Variants in ABL2 observed in about 807,000 individuals in gnomAD.
ABL2 encodes the protein ABL proto-oncogene 2, non-receptor tyrosine kinase.
ABL2 carries 49 observed loss-of-function variants against 107.7 expected under a neutral mutation model. The observed-to-expected ratio is 0.45, with a 90% confidence interval of 0.36 to 0.58. ABL2 has a LOEUF of 0.58. Ranked by LOEUF, ABL2 falls within the 20% of genes least tolerant of loss-of-function variation. The pLI, the probability that ABL2 is intolerant of heterozygous loss-of-function variation, is 0.00. For missense variants in ABL2, 1,245 were observed against 1,457.0 expected, an observed-to-expected ratio of 0.85 and a Z score of 2.37; for synonymous variants, 549 against 548.6, an observed-to-expected ratio of 1.00 and a Z score of -0.01.
At chr1:179,127,759 TG>T (rs1174186413) in intron 3 of ABL2, among the ~76,000 whole-genome samples, 2 of 151,922 alleles carry the variant, frequency 1.3e-5, no homozygotes, top group East Asian at 3.9e-4. Context: ...TGGCTGAGCG[TG>T]GTGTCTCATG....
intron 1 of ABL2, among the ~76,000 whole-genome samples, chr1:179,151,626 A>C (rs1263549183): frequency 3.3e-5 from 5 of 152,226 alleles, no homozygotes; most frequent in Admixed American, 3.3e-4. Flanking sequence ...TGCCACAAAA[A>C]GTAAAAGCTG....
intron 1 of ABL2, among the ~76,000 whole-genome samples, chr1:179,135,335 T>C (rs2102681103): frequency 6.7e-6 from 1 of 150,196 alleles, no homozygotes; most frequent in Middle Eastern, 3.5e-3. Context: ...GGAGCGTCTC[T>C]GCCCGGCCGC....
At chr1:179,152,604 T>C (rs768329496) in intron 1 of ABL2, among the ~76,000 whole-genome samples, 10 of 152,164 alleles carry the variant, frequency 6.6e-5, no homozygotes, top group Non-Finnish European at 1.3e-4. Context: ...AGGTGAAATA[T>C]ATGTGGGCCA....
At chr1:179,157,090 G>C (rs1658744265) in intron 1 of ABL2, among the ~76,000 whole-genome samples, 1 of 152,070 alleles carries the variant, frequency 6.6e-6, no homozygotes, top group Non-Finnish European at 1.5e-5. Flanking sequence ...ACCAATACAG[G>C]TTGAGTATTC....
chr1:179,142,440 A>C (rs1446387431), intron 1 of ABL2, among the ~76,000 whole-genome samples: 1 of 152,240 alleles, frequency 6.6e-6, no homozygotes, highest in Non-Finnish European at 1.5e-5. Context: ...TAATTTTATT[A>C]AAAATACTTT....
chr1:179,229,169 CGCCACCCACCCCGCCCCGA>C, intron 1 of ABL2, 53 bp downstream of exon 1: 13 of 367,858 alleles, frequency 3.5e-5, no homozygotes, highest in Non-Finnish European at 6.3e-5. Flanking sequence ...GCAGCCCGTC[CGCCACCCACCCCGCCCCGA>C]CCCCACCCCC....
chr1:179,200,454 G>A (rs1661602073), intron 1 of ABL2, among the ~76,000 whole-genome samples: 1 of 152,110 alleles, frequency 6.6e-6, no homozygotes, highest in South Asian at 2.1e-4. Flanking sequence ...AGACAGCAAG[G>A]TACAGTTTCA....
Position 179,108,237 on chromosome 1 carries a change from A to T in ABL2, c.3030T>A (p.Thr1010=). 1 of 1,613,436 alleles carries T rather than the reference A, an allele frequency of 6.2e-7. No individual in the cohort carries two copies. Among genetic ancestry groups the T allele is most frequent in the Non-Finnish European group, 8.5e-7 (1 of 1,179,944 alleles). The part of the protein sequence containing the change: ...SDPTEEPTAL[T]AGQSTSETQE... Reference sequence around the variant, plus strand: ...GTGTTTCTGATGTGGACTGTCCTGCAGTTAGGGCAGTTGGCTCTTCTGTAG... The same window carrying T: ...GTGTTTCTGATGTGGACTGTCCTGCTGTTAGGGCAGTTGGCTCTTCTGTAG... Residue 1010 remains threonine (T), a synonymous_variant, in exon 12 of 12, where the codon ACT becomes ACA. Transcript: ENST00000502732.
intron 1 of ABL2, among the ~76,000 whole-genome samples, chr1:179,183,549 A>G (rs968032964): frequency 2.0e-5 from 3 of 152,174 alleles, no homozygotes. Context: ...CAATCTAACA[A>G]AAAAAGATAA....
intron 1 of ABL2, among the ~76,000 whole-genome samples, chr1:179,160,668 T>TTATATTCTTAATTCTTAATAATTC (rs1659007320): frequency 6.6e-6 from 1 of 152,148 alleles, no homozygotes; most frequent in Non-Finnish European, 1.5e-5. Context: ...AATATCTTAG[T>TTATATTCTTAATTCTTAATAATTC]TATATTCTTA....
intron 1 of ABL2, among the ~76,000 whole-genome samples, chr1:179,157,892 T>G (rs10913702): frequency 0.02 from 3,106 of 152,132 alleles, 132 homozygotes; most frequent in African/African-American, 0.071. Context: ...TCTTTAAGCA[T>G]AGGAGCTAGT....
At chr1:179,137,425 T>C (rs963508458) in intron 1 of ABL2, among the ~76,000 whole-genome samples, 3 of 152,138 alleles carry the variant, frequency 2.0e-5, no homozygotes, top group African/African-American at 4.8e-5. Flanking sequence ...TCCACACTTA[T>C]AAATATATAT....
At chr1:179,221,975 T>C in intron 1 of ABL2, 3 of 227,560 alleles carry the variant, frequency 1.3e-5, no homozygotes, top group Non-Finnish European at 2.0e-5. Context: ...AAGTGGACAT[T>C]CATATTCCAG....
At chr1:179,189,574 C>T (rs1660880808) in intron 1 of ABL2, among the ~76,000 whole-genome samples, 1 of 152,160 alleles carries the variant, frequency 6.6e-6, no homozygotes, top group Non-Finnish European at 1.5e-5. Context: ...TCGTTATGTA[C>T]ATTCATTTAT....
At chr1:179,161,253 C>A (rs1174499384) in intron 1 of ABL2, among the ~76,000 whole-genome samples, 1 of 151,796 alleles carries the variant, frequency 6.6e-6, no homozygotes, top group African/African-American at 2.4e-5. Flanking sequence ...CACAATAGTG[C>A]CCATCTGTAA....
chr1:179,181,911 G>A (rs1437729239), intron 1 of ABL2, among the ~76,000 whole-genome samples: 1 of 149,536 alleles, frequency 6.7e-6, no homozygotes, highest in Non-Finnish European at 1.5e-5. Flanking sequence ...CTCCTGAGTA[G>A]CCGGGACTAT....
At chr1:179,137,770 A>T (rs1368281545) in intron 1 of ABL2, 2 of 152,222 alleles carry the variant, frequency 1.3e-5, no homozygotes, top group African/African-American at 2.4e-5. Context: ...TGCAATATTG[A>T]GCAGCTTCCT....
intron 1 of ABL2, among the ~76,000 whole-genome samples, chr1:179,202,682 G>A (rs1661740023): frequency 6.6e-6 from 1 of 152,160 alleles, no homozygotes. Flanking sequence ...AATCACTTCT[G>A]TTAACATATG....
intron 1 of ABL2, among the ~76,000 whole-genome samples, chr1:179,169,899 T>C (rs1659619202): frequency 6.6e-6 from 1 of 151,432 alleles, no homozygotes; most frequent in South Asian, 2.1e-4. Context: ...CAGAGTTACA[T>C]GTGCCTATAG....
Sources: gnomAD v4.1 joint callset for allele counts (sites outside exome capture counted in the v4.1 genomes callset) on GRCh38, gnomAD v4.1.1 for gene constraint, MANE v1.5 for transcripts, NCBI Gene and HGNC (gene_info 2026-07-23, HGNC 2026-07-21) for gene names.